Variants in SLIT3 observed in about 807,000 individuals in gnomAD.
The protein encoded by SLIT3 is slit homolog 3 protein.
SLIT3 carries 68 observed loss-of-function variants against 184.0 expected under a neutral mutation model. That is an observed-to-expected ratio of 0.37 (90% confidence interval 0.30 to 0.45). SLIT3 has a LOEUF of 0.45. Among genes scored for constraint, SLIT3 ranks in the 20% least tolerant of loss-of-function variants. The pLI, the probability that SLIT3 is intolerant of heterozygous loss-of-function variation, is 1.00. For missense variants in SLIT3, 1,707 were observed against 2,026.0 expected (o/e 0.84, Z 3.02); for synonymous variants, 831 against 828.6 (o/e 1.00, Z -0.05).
chr5:169,089,207 C>T (rs933428681), intron 4 of SLIT3, among the ~76,000 whole-genome samples: 7 of 152,008 alleles, frequency 4.6e-5, no homozygotes, highest in Admixed American at 2.6e-4. Flanking sequence ...AGAGGCAGAA[C>T]CTGCTTCATC....
At chr5:168,728,447 C>T (rs905726143) in intron 20 of SLIT3, among the ~76,000 whole-genome samples, 4 of 151,916 alleles carry the variant, frequency 2.6e-5, no homozygotes, top group African/African-American at 9.7e-5. Flanking sequence ...CACAATTGTC[C>T]AGCAACAGAT....
intron 1 of SLIT3, among the ~76,000 whole-genome samples, chr5:169,254,281 C>T (rs988708242): frequency 6.6e-5 from 10 of 152,124 alleles, no homozygotes; most frequent in African/African-American, 2.4e-4. Flanking sequence ...TGTCCCAAGG[C>T]CAGCCCCCAC....
At chr5:169,228,172 A>G (rs1764874177) in intron 3 of SLIT3, among the ~76,000 whole-genome samples, 1 of 152,186 alleles carries the variant, frequency 6.6e-6, no homozygotes, top group Admixed American at 6.5e-5. Flanking sequence ...AACCAATCAC[A>G]TATATTTAAT....
At chr5:169,203,284 G>A (rs1224068428) in intron 3 of SLIT3, among the ~76,000 whole-genome samples, 1 of 151,290 alleles carries the variant, frequency 6.6e-6, no homozygotes, top group African/African-American at 2.4e-5. Context: ...AGTACACTAG[G>A]GCTCAGACTC....
intron 4 of SLIT3, among the ~76,000 whole-genome samples, chr5:169,071,678 C>T: frequency 6.6e-6 from 1 of 152,116 alleles, no homozygotes; most frequent in East Asian, 1.9e-4. Context: ...TTACTGTGTG[C>T]AAGTGTAGAA....
intron 4 of SLIT3, among the ~76,000 whole-genome samples, chr5:169,150,543 A>ACACC (rs1408118658): frequency 2.4e-4 from 37 of 151,198 alleles, no homozygotes; most frequent in East Asian, 1.4e-3. Context: ...ACACACACAC[A>ACACC]CCCTTACCTC....
At chr5:169,205,213 G>A (rs1338156178) in intron 3 of SLIT3, among the ~76,000 whole-genome samples, 1 of 152,130 alleles carries the variant, frequency 6.6e-6, no homozygotes, top group Admixed American at 6.5e-5. Context: ...CATGGCGCTG[G>A]GGCTTAGGAA....
intron 4 of SLIT3, among the ~76,000 whole-genome samples, chr5:169,064,884 C>A (rs1220168627): frequency 6.6e-6 from 1 of 152,102 alleles, no homozygotes; most frequent in Non-Finnish European, 1.5e-5. Context: ...TTTAATGAAA[C>A]GGAAATAAGA....
chr5:168,865,840 T>TA (rs1759279077), intron 5 of SLIT3, among the ~76,000 whole-genome samples: 1 of 152,252 alleles, frequency 6.6e-6, no homozygotes, highest in Non-Finnish European at 1.5e-5. Flanking sequence ...TTCAAACTTT[T>TA]AAATGTACCT....
intron 4 of SLIT3, among the ~76,000 whole-genome samples, chr5:169,027,464 C>T (rs1756870798): frequency 6.6e-6 from 1 of 152,160 alleles, no homozygotes. Flanking sequence ...CACACTTCTC[C>T]AGCACAATGC....
chr5:169,249,840 T>C (rs1351465966), intron 2 of SLIT3, among the ~76,000 whole-genome samples: 2 of 152,182 alleles, frequency 1.3e-5, no homozygotes, highest in Non-Finnish European at 2.9e-5. Flanking sequence ...TGCCTTCCCT[T>C]TGAGGGTGGT....
At chr5:169,256,385 C>A (rs1366474158) in intron 1 of SLIT3, among the ~76,000 whole-genome samples, 1 of 152,202 alleles carries the variant, frequency 6.6e-6, no homozygotes, top group Admixed American at 6.5e-5. Context: ...GTGGAGTAAC[C>A]TGCTGTGCGG....
At chr5:168,901,426 GATAATA>G (rs1251149255) in intron 4 of SLIT3, among the ~76,000 whole-genome samples, 1 of 145,592 alleles carries the variant, frequency 6.9e-6, no homozygotes, top group East Asian at 2.1e-4. Flanking sequence ...AGTTTATACA[GATAATA>G]ATAAAAAGAA....
intron 4 of SLIT3, among the ~76,000 whole-genome samples, chr5:168,955,874 G>C (rs760758609): frequency 6.6e-6 from 1 of 152,156 alleles, no homozygotes; most frequent in Non-Finnish European, 1.5e-5. Flanking sequence ...CCCCACCAGA[G>C]TATCTCCATT....
intron 10 of SLIT3, chr5:168,791,457 ACTTTGTCTTTTT>A (rs1327290535): frequency 2.0e-5 from 3 of 152,244 alleles, no homozygotes; most frequent in Non-Finnish European, 4.4e-5. Context: ...GACCTTGGTC[ACTTTGTCTTTTT>A]CTTTATTATT....
intron 4 of SLIT3, among the ~76,000 whole-genome samples, chr5:168,960,654 A>G (rs1280862290): frequency 6.6e-6 from 1 of 152,208 alleles, no homozygotes; most frequent in Non-Finnish European, 1.5e-5. Flanking sequence ...GGCCGAAGTT[A>G]CCTTCTTGGG....
At chr5:169,015,980 A>C (rs777269632) in intron 4 of SLIT3, among the ~76,000 whole-genome samples, 4,678 of 91,994 alleles carry the variant, frequency 0.051, 154 homozygotes, top group East Asian at 0.29. Context: ...ACACACACAC[A>C]CACACAACTT....
intron 4 of SLIT3, among the ~76,000 whole-genome samples, chr5:168,895,887 T>C (rs1459048024): frequency 1.3e-5 from 2 of 152,188 alleles, no homozygotes; most frequent in Admixed American, 6.5e-5. Context: ...TGAAAGGCAC[T>C]AGACAAGGGA....
At chr5:169,171,657 C>T (rs927750424) in intron 4 of SLIT3, among the ~76,000 whole-genome samples, 1 of 152,196 alleles carries the variant, frequency 6.6e-6, no homozygotes, top group Non-Finnish European at 1.5e-5. Flanking sequence ...AAACAAGGTC[C>T]CTGCCCTGAG....
Sources: gnomAD v4.1 joint callset for allele counts (sites outside exome capture counted in the v4.1 genomes callset) on GRCh38, gnomAD v4.1.1 for gene constraint, MANE v1.5 for transcripts, NCBI Gene and HGNC (gene_info 2026-07-23, HGNC 2026-07-21) for gene names.